Variants in PLS3 observed in about 807,000 individuals in gnomAD.
PLS3 encodes plastin-3.
Under a neutral mutation model 46.5 loss-of-function variants are expected in PLS3, and 11 were observed. The observed-to-expected ratio is 0.24, with a 90% CI of 0.15 to 0.39. PLS3 has a LOEUF of 0.39. Ranked by LOEUF, PLS3 falls within the 10% of genes least tolerant of loss-of-function variation. The pLI is 1.00. For missense variants in PLS3, 308 were observed against 461.8 expected (o/e 0.67, Z 3.05); for synonymous variants, 167 against 162.2 (o/e 1.03, Z -0.22).
intron 1 of PLS3, among the ~76,000 whole-genome samples, chrX:115,599,336 CAAAAAAAA>C (rs1226830291): frequency 1.2e-4 from 4 of 32,423 alleles, no homozygotes; most frequent in Admixed American, 3.9e-4. Context: ...CCTGTCTCTA[CAAAAAAAA>C]AAAAAAAAAA....
intron 1 of PLS3, among the ~76,000 whole-genome samples, chrX:115,566,932 C>G (rs1556630201): frequency 8.9e-6 from 1 of 112,117 alleles, no homozygotes; most frequent in African/African-American, 3.2e-5. Flanking sequence ...CCGCCTTGGC[C>G]TCCCAGAGTG....
intron 1 of PLS3, among the ~76,000 whole-genome samples, chrX:115,569,187 G>A (rs2074197353): frequency 9.0e-6 from 1 of 111,708 alleles, no homozygotes; most frequent in Admixed American, 9.6e-5. Flanking sequence ...AGCAGGTGCA[G>A]AGCAGGATGA....
At chrX:115,562,121 G>A (rs1457862030) in intron 1 of PLS3, among the ~76,000 whole-genome samples, 6 of 110,204 alleles carry the variant, frequency 5.4e-5, no homozygotes, top group African/African-American at 2.0e-4. Flanking sequence ...ACGGGAGGGA[G>A]GTAATAGTCT....
intron 1 of PLS3, among the ~76,000 whole-genome samples, chrX:115,597,375 A>C (rs1376957640): frequency 9.0e-6 from 1 of 111,338 alleles, no homozygotes; most frequent in Non-Finnish European, 1.9e-5. Flanking sequence ...GTACGTGCAG[A>C]ACAGAGCAAT....
intron 2 of PLS3, among the ~76,000 whole-genome samples, chrX:115,620,706 CTTTTTTTT>C (rs1176959674): frequency 7.3e-5 from 4 of 54,731 alleles, no homozygotes; most frequent in South Asian, 1.0e-3. Flanking sequence ...TTTTTCTTTT[CTTTTTTTT>C]TTTTTTTTTT....
chrX:115,562,161 A>G (rs2074141998), intron 1 of PLS3, among the ~76,000 whole-genome samples: 1 of 110,497 alleles, frequency 9.1e-6, no homozygotes, highest in Non-Finnish European at 1.9e-5. Flanking sequence ...GCACAGCTGC[A>G]CTTGCCTGTG....
intron 1 of PLS3, among the ~76,000 whole-genome samples, chrX:115,604,189 A>G (rs1556634975): frequency 8.9e-6 from 1 of 111,799 alleles, no homozygotes; most frequent in East Asian, 2.8e-4. Context: ...ATTTTTATAT[A>G]TGAGGGAGAC....
chrX:115,589,643 G>T (rs1340811750), intron 1 of PLS3, among the ~76,000 whole-genome samples: 1 of 112,268 alleles, frequency 8.9e-6, no homozygotes, highest in Non-Finnish European at 1.9e-5. Context: ...TCCAATGTAC[G>T]TGTCACACAT....
chrX:115,598,550 T>A (rs1556634151), intron 1 of PLS3, among the ~76,000 whole-genome samples: 3 of 111,879 alleles, frequency 2.7e-5, no homozygotes, highest in African/African-American at 9.7e-5. Context: ...TTACCAAGAT[T>A]CCGTGAAAGT....
At chrX:115,582,336 A>C (rs1303099068) in intron 1 of PLS3, among the ~76,000 whole-genome samples, 1 of 111,936 alleles carries the variant, frequency 8.9e-6, no homozygotes, top group Non-Finnish European at 1.9e-5. Flanking sequence ...TTGTGGCAGA[A>C]TTCATTATGA....
rs1183257879 is a variant in PLS3, at chrX:115,600,551, T to TA, written c.-8-9691dup. On this transcript the variant is annotated intron_variant, in intron 1 of 15. Transcript: ENST00000355899. ...AAATGAGACTTGCAAAGCAAAGAAT[T>TA]ACACAAGTTTTTGTGTGCTGTTCGT... Among the ~76,000 whole-genome samples the TA allele has an allele frequency of 2.7e-5, 3 of 112,397 alleles. No homozygotes were observed. The East Asian group carries it at 8.4e-4, about 31-fold the overall frequency.
chrX:115,639,991 G>A (rs782547878), intron 8 of PLS3: 18 of 470,555 alleles, frequency 3.8e-5, no homozygotes, highest in South Asian at 2.6e-4. Context: ...TCTCTTCTTC[G>A]TAGGTTGTGG....
intron 1 of PLS3, among the ~76,000 whole-genome samples, chrX:115,583,707 C>T (rs1304998038): frequency 8.9e-6 from 1 of 112,076 alleles, no homozygotes; most frequent in Admixed American, 9.5e-5. Flanking sequence ...TAAAAACTGA[C>T]GAGGTTAATC....
chrX:115,606,310 G>A (rs896122162), intron 1 of PLS3, among the ~76,000 whole-genome samples: 1 of 105,331 alleles, frequency 9.5e-6, no homozygotes, highest in Non-Finnish European at 1.9e-5. Context: ...GATAAGTTTT[G>A]CATTTTTGGT....
Position 115,649,578 on chromosome X carries a change from A to G in PLS3, c.*17A>G. Reference sequence around the variant, plus strand: ...AGAGTGTAAAATAACCAATCTGAATAAAACAGCCATGCTCCCAGGTGCATG... The same window carrying G: ...AGAGTGTAAAATAACCAATCTGAATGAAACAGCCATGCTCCCAGGTGCATG... On this transcript the variant is annotated 3_prime_UTR_variant, in exon 16 of 16. Transcript: ENST00000355899. 8.4e-7 allele frequency: 1 copy of G among 1,194,502 alleles called. No individual in the cohort carries two copies. Among genetic ancestry groups the G allele is most frequent in the Non-Finnish European group, 1.1e-6 (1 of 883,460 alleles).
At chrX:115,620,701 C>CTTTTCTTTTTTTTTTTTTT (rs2074641871) in intron 2 of PLS3, among the ~76,000 whole-genome samples, 1 of 81,520 alleles carries the variant, frequency 1.2e-5, no homozygotes, top group Non-Finnish European at 2.4e-5. Flanking sequence ...TTTTTTTTTT[C>CTTTTCTTTTTTTTTTTTTT]TTTTCTTTTT....
chrX:115,561,759 G>A (rs1157550867), intron 1 of PLS3, among the ~76,000 whole-genome samples: 2 of 110,530 alleles, frequency 1.8e-5, no homozygotes, highest in African/African-American at 6.6e-5. Context: ...GCCCCCACAC[G>A]CCCGCCTCGG....
intron 1 of PLS3, among the ~76,000 whole-genome samples, chrX:115,566,792 C>T (rs781864849): frequency 9.0e-6 from 1 of 111,282 alleles, no homozygotes; most frequent in South Asian, 3.8e-4. Context: ...GATTCTCGTG[C>T]CTCAGCCTCC....
At chrX:115,626,484 A>G (rs1290302220) in intron 3 of PLS3, among the ~76,000 whole-genome samples, 1 of 109,837 alleles carries the variant, frequency 9.1e-6, no homozygotes, top group Non-Finnish European at 1.9e-5. Context: ...GAGTTTCTCC[A>G]TGTTGGTCAG....
Sources: allele counts gnomAD v4.1 joint callset (sites outside exome capture counted in the v4.1 genomes callset), GRCh38; gene constraint gnomAD v4.1.1; transcripts MANE v1.5; gene names NCBI Gene and HGNC (gene_info 2026-07-23, HGNC 2026-07-21).